The following RNF213 variants were observed in gnomAD, a reference collection of about 807,000 sequenced individuals.
RNF213 encodes E3 ubiquitin-protein ligase RNF213.
A neutral mutation model predicts 514.4 loss-of-function variants in RNF213; 341 were observed. The ratio of observed to expected loss-of-function variants is 0.66; its 90% CI spans 0.61 to 0.73. The LOEUF is 0.73. RNF213 is among the 30% of genes least tolerant of loss of function. RNF213 has a pLI of 0.00. For missense variants in RNF213, 5,767 were observed against 6,615.6 expected (o/e 0.87, Z 4.45); for synonymous variants, 2,655 against 2,658.2 (o/e 1.00, Z 0.04).
In RNF213 at chr17:80,343,856, G is replaced by T; in HGVS notation, c.6184-1G>T. 6.2e-7 allele frequency: 1 copy of T among 1,614,132 alleles called. No individual in the cohort carries two copies. The highest frequency in any genetic ancestry group is 8.5e-7 in the Non-Finnish European group (1 of 1,180,016). On this transcript the variant is annotated splice_acceptor_variant, in intron 27 of 67. Coordinates refer to ENST00000582970, the MANE Select transcript of RNF213 (RefSeq NM_001256071.3). LOFTEE classifies it high-confidence loss of function. This position sits in a 1 kb window ranked among gnomAD's most constrained non-coding sequence, Gnocchi z 4.3. ...TACACCTCGTGCGATTCTGTTCTTA[G>T]GTGCAGACTGGAATTTGGGTGTTTC...
At position 80,347,493 on chromosome 17, in the gene RNF213, A is replaced by G; in HGVS notation, c.9158A>G (p.Gln3053Arg). 1 of 1,614,132 alleles carries G rather than the reference A, an allele frequency of 6.2e-7. No individual in the cohort carries two copies. Among genetic ancestry groups the G allele is most frequent in the East Asian group, 2.2e-5 (1 of 44,884 alleles). Residue 3053 changes from glutamine (Q) to arginine (R), a missense_variant, in exon 29 of 68, where the codon CAG (glutamine) becomes CGG (arginine). By Grantham distance (43) the Gln-to-Arg change is conservative. This residue lies in a region of RNF213 where 919 missense variants were observed against 1,121.0 expected (regional missense o/e 0.82). Coordinates refer to ENST00000582970, the MANE Select transcript of RNF213 (RefSeq NM_001256071.3). This position sits in a 1 kb window ranked among gnomAD's most constrained non-coding sequence, Gnocchi z 7.2. Reference protein sequence around the residue: ...LVLTKNYVALQILQQTFFEGD... With the variant: ...LVLTKNYVALRILQQTFFEGD... ...CTGACCAAAAACTACGTGGCACTGC[A>G]GATCCTGCAGCAGACATTCTTCGAG...
rs534820602 is a variant in RNF213, at chr17:80,319,756, C to T, written c.3024+444C>T. 179 of 1,317,372 alleles carry T rather than the reference C, an allele frequency of 1.4e-4. No individual in the cohort carries two copies. In the South Asian group the frequency reaches 2.1e-3, roughly 15 times the overall value. The allele number at this position is 1,317,372 out of a possible 1,614,324, so 81.6% of individuals were successfully genotyped here. A position where few individuals can be genotyped will look rare whatever the true frequency, so the allele number is the denominator to read the frequency against. The stretch of plus-strand genomic sequence containing the variant: ...TTGTATCAATTTATTTAGCTCTTTT[C>T]GGCAAAGGGGAAGAGATTGTGCCCC... On this transcript the variant is annotated intron_variant, in intron 17 of 67. Transcript: ENST00000582970.
chr17:80,357,178 A>G (rs952408683), intron 36 of RNF213, among the ~76,000 whole-genome samples: 2 of 152,112 alleles, frequency 1.3e-5, no homozygotes, highest in Non-Finnish European at 2.9e-5. Flanking sequence ...CAGCCTCCCA[A>G]CGTGCTGGGA....
chr17:80,271,445 G>A (rs550044956), intron 2 of RNF213, among the ~76,000 whole-genome samples: 4 of 152,290 alleles, frequency 2.6e-5, no homozygotes, highest in East Asian at 1.9e-4. Flanking sequence ...GGAAACGGGC[G>A]TGGGGATGAA....
At chr17:80,276,088 T>TA (rs2044045487) in intron 3 of RNF213, among the ~76,000 whole-genome samples, 1 of 136,680 alleles carries the variant, frequency 7.3e-6, no homozygotes, top group South Asian at 2.3e-4. Flanking sequence ...TTTATTTATT[T>TA]TTTGTTTTAT....
rs1246141499 is a variant in RNF213 at position 80,343,046 on chromosome 17, G to A, written c.5990-86G>A. 2.7e-6 allele frequency: 3 copies of A among 1,091,914 alleles called. No individual in the cohort carries two copies. Among genetic ancestry groups the A allele is most frequent in the Non-Finnish European group, 4.2e-6 (3 of 716,584 alleles). The allele number at this position is 1,091,914 out of a possible 1,614,324, so 67.6% of individuals were successfully genotyped here. On this transcript the variant is annotated intron_variant, in intron 26 of 67. Coordinates refer to ENST00000582970, the MANE Select transcript of RNF213 (RefSeq NM_001256071.3). The surrounding 1 kb of genome is among the most constrained non-coding windows in gnomAD (Gnocchi z 4.3). ...TGGCTTTGAACTCCTGACCTCAAGTGATCCCCCCGCCTCGGCCTCCCAAAG... is the reference window on the plus strand; with the variant it reads ...TGGCTTTGAACTCCTGACCTCAAGTAATCCCCCCGCCTCGGCCTCCCAAAG...
intron 16 of RNF213, 55 bp from the exon 17 acceptor site, chr17:80,319,135 G>A (rs538801201): frequency 3.7e-6 from 6 of 1,613,832 alleles, no homozygotes; most frequent in Non-Finnish European, 5.1e-6. Flanking sequence ...ATCCCATAGA[G>A]CACTGGAGCG....
chr17:80,353,083 G>A lies in RNF213; in HGVS notation c.10423+24G>A, dbSNP rs747217825. The A allele has an allele frequency of 2.5e-6, 4 of 1,608,844 alleles. No homozygotes were observed. Among genetic ancestry groups the A allele is most frequent in the Non-Finnish European group, 3.4e-6 (4 of 1,179,978 alleles). On this transcript the variant is annotated intron_variant, in intron 33 of 67. Coordinates refer to ENST00000582970, the MANE Select transcript of RNF213 (RefSeq NM_001256071.3). This position sits in a 1 kb window ranked among gnomAD's most constrained non-coding sequence, Gnocchi z 5.0. Reference sequence around the variant, plus strand: ...GCGTGAGTCACGAGGCGGAGCCCCTGGGGGAGCAGGTGGTGGAAGGGCAGA... The same window carrying A: ...GCGTGAGTCACGAGGCGGAGCCCCTAGGGGAGCAGGTGGTGGAAGGGCAGA...
chr17:80,333,201 A>G (rs1419308235), intron 21 of RNF213, among the ~76,000 whole-genome samples: 1 of 147,146 alleles, frequency 6.8e-6, no homozygotes, highest in Non-Finnish European at 1.5e-5. Context: ...GGTGCCCGCA[A>G]CCACGCCCGG....
Position 80,327,895 on chromosome 17 carries a change from A to G in RNF213, c.3273A>G (p.Lys1091=). 1 of 1,537,268 alleles carries G rather than the reference A, an allele frequency of 6.5e-7. No homozygotes were observed. The highest frequency in any genetic ancestry group is 1.2e-5 in the South Asian group (1 of 84,058). The part of the protein sequence containing the change: ...LIAVADSVLT[K]VVGDLLSGTI... ...CTGTTGCCGACTCTGTGTTGACGAA[A>G]GTTGTTGGTGACCTCCTAAGTGGCA... is the stretch of plus-strand genomic sequence containing the variant. The change falls in exon 19 of 68, where the codon AAA becomes AAG. Residue 1091 remains lysine, a synonymous_variant. Transcript: ENST00000582970.
intron 39 of RNF213, among the ~76,000 whole-genome samples, chr17:80,362,677 C>A (rs2079099735): frequency 6.6e-6 from 1 of 152,246 alleles, no homozygotes; most frequent in Admixed American, 6.5e-5. Context: ...ATCTGAACTG[C>A]TGACTCTGTC....
intron 38 of RNF213, 91 bp downstream of exon 38, chr17:80,360,297 C>A: frequency 1.4e-6 from 2 of 1,431,402 alleles, no homozygotes; most frequent in African/African-American, 1.4e-5. Context: ...GCTAGAATTG[C>A]AAGGTGAATT....
chr17:80,265,477 G>A (rs1293516766), intron 2 of RNF213, among the ~76,000 whole-genome samples: 1 of 152,226 alleles, frequency 6.6e-6, no homozygotes, highest in African/African-American at 2.4e-5. Flanking sequence ...CCAGGAATTT[G>A]GTGACTCTGT....
chr17:80,379,161 C>G (rs1007300046), intron 54 of RNF213, among the ~76,000 whole-genome samples: 5 of 152,036 alleles, frequency 3.3e-5, no homozygotes, highest in African/African-American at 1.2e-4. Flanking sequence ...CCACTGCACT[C>G]CAGCCTGGAG....
chr17:80,266,953 T>A (rs1010561982), intron 2 of RNF213, among the ~76,000 whole-genome samples: 6 of 152,012 alleles, frequency 3.9e-5, no homozygotes, highest in African/African-American at 1.4e-4. Flanking sequence ...TTGAAAGAAA[T>A]TAAAAGTGCC....
At chr17:80,311,748 G>A (rs1198477029) in intron 14 of RNF213, among the ~76,000 whole-genome samples, 1 of 152,242 alleles carries the variant, frequency 6.6e-6, no homozygotes, top group Non-Finnish European at 1.5e-5. Flanking sequence ...TGGGCCTCTC[G>A]GTGCTTCCAG....
rs1376509951 is a variant in RNF213 at position 80,339,468 on chromosome 17, C to T, written c.5101C>T (p.Leu1701=). ...VTQKRMEHFY[L]NFYTAEQLVY... The stretch of plus-strand genomic sequence containing the variant: ...CCAGAAGCGAATGGAGCACTTTTAC[C>T]TGAACTTCTACACGGCAGAGCAGCT... Residue 1701 remains leucine, a synonymous_variant, in exon 26 of 68, where the codon CTG becomes TTG. Transcript: ENST00000582970. The T allele has an allele frequency of 5.9e-6, 9 of 1,537,108 alleles. No individual in the cohort carries two copies. Among genetic ancestry groups the T allele is most frequent in the Non-Finnish European group, 7.8e-6 (9 of 1,146,920 alleles).
At chr17:80,267,443 A>G (rs537050956) in intron 2 of RNF213, among the ~76,000 whole-genome samples, 2 of 152,240 alleles carry the variant, frequency 1.3e-5, no homozygotes, top group African/African-American at 2.4e-5. Context: ...CTCCATCCCA[A>G]AAAAGAAAAA....
rs749025839 is a variant in RNF213 at position 80,343,824 on chromosome 17, G to A, written c.6184-33G>A. 69 of 1,612,912 alleles carry A rather than the reference G, an allele frequency of 4.3e-5. No homozygotes were observed. Among genetic ancestry groups the A allele is most frequent in the East Asian group, 6.7e-5 (3 of 44,880 alleles). Reference sequence around the variant, plus strand: ...AGTTGGGAGAACTCGCCATCGTGTCGTGTGTTTACACCTCGTGCGATTCTG... The same window carrying A: ...AGTTGGGAGAACTCGCCATCGTGTCATGTGTTTACACCTCGTGCGATTCTG... On this transcript the variant is annotated intron_variant, in intron 27 of 67. Transcript: ENST00000582970. The surrounding 1 kb of genome is among the most constrained non-coding windows in gnomAD (Gnocchi z 4.3).
Sources: gnomAD v4.1 joint callset for allele counts (sites outside exome capture counted in the v4.1 genomes callset) on GRCh38, gnomAD v4.1.1 for gene constraint, gnomAD v4.1.1 regional missense constraint, Gnocchi (gnomAD v3.1) non-coding constraint, MANE v1.5 for transcripts, NCBI Gene and HGNC (gene_info 2026-07-23, HGNC 2026-07-21) for gene names.